IRAK1BP1: variants seen among roughly 807,000 people sequenced by gnomAD.
IRAK1BP1 encodes interleukin 1 receptor associated kinase 1 binding protein 1.
In IRAK1BP1, 24 loss-of-function variants were observed where a neutral mutation model predicts 28.0. The ratio of observed to expected loss-of-function variants is 0.86; its 90% CI spans 0.62 to 1.20. The LOEUF is 1.20. Among genes scored for constraint, IRAK1BP1 ranks in the 50% most tolerant of loss-of-function variants. The probability of loss-of-function intolerance (pLI) is 0.00; values close to 1 mark genes in which losing one functional copy is unlikely to be tolerated. For synonymous variants in IRAK1BP1, 131 were observed against 116.3 expected, an observed-to-expected ratio of 1.13 and a Z score of -0.81; for missense variants, 336 against 316.7, an observed-to-expected ratio of 1.06 and a Z score of -0.46.
At chr6:78,950,676 G>T (rs1436777357), downstream of IRAK1BP1, among the ~76,000 whole-genome samples, 1 of 151,930 alleles carries the variant, frequency 6.6e-6, no homozygotes, top group Admixed American at 6.6e-5. Context: ...TATTTGCAGG[G>T]TCTACAGTGA....
intron 1 of IRAK1BP1, among the ~76,000 whole-genome samples, chr6:78,869,920 C>T (rs570238813): frequency 6.6e-6 from 1 of 151,990 alleles, no homozygotes; most frequent in African/African-American, 2.4e-5. Flanking sequence ...ACCAGCCTGA[C>T]CAACATGGTG....
downstream of IRAK1BP1, among the ~76,000 whole-genome samples, chr6:78,905,059 T>G (rs1225905578): frequency 6.6e-6 from 1 of 152,226 alleles, no homozygotes; most frequent in Non-Finnish European, 1.5e-5. Context: ...TGTATTGGTT[T>G]CATTTTGTAG....
chr6:78,960,736 G>T, the IRAK1BP1 span, among the ~76,000 whole-genome samples: 1 of 151,918 alleles, frequency 6.6e-6, no homozygotes, highest in Non-Finnish European at 1.5e-5. Context: ...CACATTTTTG[G>T]TTTTCACAAC....
At chr6:78,873,652 A>G (rs1282985767) in intron 1 of IRAK1BP1, among the ~76,000 whole-genome samples, 1 of 151,896 alleles carries the variant, frequency 6.6e-6, no homozygotes, top group African/African-American at 2.4e-5. Flanking sequence ...CTAATTTTTT[A>G]TAGAGACGGG....
the IRAK1BP1 span, among the ~76,000 whole-genome samples, chr6:78,979,307 A>G: frequency 6.6e-6 from 1 of 152,256 alleles, no homozygotes; most frequent in East Asian, 1.9e-4. Flanking sequence ...GCCAACACTC[A>G]CAACAAGGTA....
the IRAK1BP1 span, among the ~76,000 whole-genome samples, chr6:78,972,968 C>G: frequency 1.4e-5 from 2 of 140,200 alleles, no homozygotes; most frequent in African/African-American, 5.0e-5. Context: ...ATATTATCCA[C>G]GAGAATTTCC....
intron 4 of IRAK1BP1, among the ~76,000 whole-genome samples, chr6:78,917,355 C>G (rs191459927): frequency 6.6e-6 from 1 of 151,718 alleles, no homozygotes; most frequent in African/African-American, 2.4e-5. Flanking sequence ...TTCAAATTAG[C>G]CAGACAAAAG....
chr6:78,972,540 T>C, the IRAK1BP1 span, among the ~76,000 whole-genome samples: 2 of 152,168 alleles, frequency 1.3e-5, no homozygotes, highest in Non-Finnish European at 2.9e-5. Context: ...ATGACTTTGA[T>C]GAGCTGAGAG....
intron 2 of IRAK1BP1, among the ~76,000 whole-genome samples, chr6:78,892,932 G>T (rs1459869561): frequency 1.3e-5 from 2 of 151,916 alleles, no homozygotes; most frequent in African/African-American, 4.8e-5. Context: ...ACATCAAATA[G>T]CCTATTATAC....
intron 1 of IRAK1BP1, chr6:78,871,426 C>T (rs1770787901): frequency 1.0e-6 from 1 of 985,370 alleles, no homozygotes; most frequent in South Asian, 4.7e-5. Context: ...AAGACAGACA[C>T]CTTTTCTCCT....
Position 78,871,498 on chromosome 6 carries a change from A to G in IRAK1BP1, c.315+3607A>G, listed in dbSNP as rs142826306. 2.2e-4 allele frequency: 216 copies of G among 985,498 alleles called. 1 individual carries two copies. In the South Asian group the frequency reaches 6.1e-3, roughly 28 times the overall value. 61.0% of individuals were successfully genotyped at this position (985,498 alleles called of 1,614,324 possible). On this transcript the variant is annotated intron_variant, in intron 1 of 3. Coordinates refer to ENST00000369940, the MANE Select transcript of IRAK1BP1 (RefSeq NM_001010844.4). ...ACCCAGTAGGAGGTATTCCACAGGA[A>G]CAGCAGACGAGAACTTACCTTACAT...
chr6:78,881,652 C>T (rs1771234006), intron 1 of IRAK1BP1, among the ~76,000 whole-genome samples: 1 of 151,990 alleles, frequency 6.6e-6, no homozygotes, highest in South Asian at 2.1e-4. Context: ...CAGGGACTGT[C>T]CTAAATTACT....
At chr6:78,958,281 A>G in the IRAK1BP1 span, 1 of 420,546 alleles carries the variant, frequency 2.4e-6, no homozygotes, top group Non-Finnish European at 4.2e-6. Flanking sequence ...TTATTAGCCA[A>G]TGAACTGTTT....
the IRAK1BP1 span, among the ~76,000 whole-genome samples, chr6:78,967,430 G>T: frequency 6.6e-6 from 1 of 152,184 alleles, no homozygotes; most frequent in African/African-American, 2.4e-5. Context: ...AGTAATGTGT[G>T]CCTAATCATA....
chr6:78,871,308 AG>A (rs747973031), intron 1 of IRAK1BP1: 30 of 985,066 alleles, frequency 3.0e-5, no homozygotes, highest in Non-Finnish European at 3.4e-5. Flanking sequence ...TCTAAGTTCT[AG>A]TGCAAGAGAG....
rs532673259 is a variant in IRAK1BP1, at chr6:78,901,999, G to A, written c.*3665G>A. The A allele has an allele frequency of 1.1e-3, 175 of 152,234 alleles. No individual in the cohort carries two copies. The highest frequency in any genetic ancestry group is 4.1e-3 in the African/African-American group (172 of 41,530). The allele number at this position is 152,234 out of a possible 1,614,324, so 9.4% of individuals were successfully genotyped here. ...AAGCATGAATTATGAGATCAAATGTGGGAGTTACTATATGATTATCTGCAT... is the reference window on the plus strand; with the variant it reads ...AAGCATGAATTATGAGATCAAATGTAGGAGTTACTATATGATTATCTGCAT... On this transcript the variant is annotated 3_prime_UTR_variant, in exon 4 of 4. Coordinates refer to ENST00000369940, the MANE Select transcript of IRAK1BP1 (RefSeq NM_001010844.4).
At chr6:78,971,669 G>A in the IRAK1BP1 span, among the ~76,000 whole-genome samples, 7 of 152,150 alleles carry the variant, frequency 4.6e-5, no homozygotes, top group East Asian at 1.9e-4. Context: ...CAGTGGGTGC[G>A]CGCACCGTGT....
downstream of IRAK1BP1, among the ~76,000 whole-genome samples, chr6:78,949,541 C>A (rs1031592914): frequency 6.6e-6 from 1 of 152,050 alleles, no homozygotes; most frequent in Non-Finnish European, 1.5e-5. Context: ...CTGTGACCTG[C>A]CTTGCATTTC....
intron 2 of IRAK1BP1, among the ~76,000 whole-genome samples, chr6:78,895,516 C>T (rs752081886): frequency 9.2e-5 from 14 of 152,058 alleles, no homozygotes; most frequent in Non-Finnish European, 1.3e-4. Flanking sequence ...GACACACACA[C>T]GTATCCTTTA....
Sources: allele counts gnomAD v4.1 joint callset (sites outside exome capture counted in the v4.1 genomes callset), GRCh38; gene constraint gnomAD v4.1.1; transcripts MANE v1.5; gene names NCBI Gene and HGNC (gene_info 2026-07-23, HGNC 2026-07-21).